The following BICRAL variants were observed in gnomAD, a reference collection of about 807,000 sequenced individuals.
The protein encoded by BICRAL is BRD4-interacting chromatin-remodeling complex-associated protein-like.
Under a neutral mutation model 91.8 loss-of-function variants are expected in BICRAL, and 8 were observed. The observed-to-expected ratio is 0.09, with a 90% confidence interval of 0.05 to 0.16. BICRAL has a LOEUF of 0.16. Ranked by LOEUF, BICRAL falls within the 10% of genes least tolerant of loss-of-function variation. The probability of loss-of-function intolerance (pLI) is 1.00; values close to 1 mark genes in which losing one functional copy is unlikely to be tolerated. For synonymous variants in BICRAL, 445 were observed against 491.1 expected, an observed-to-expected ratio of 0.91 and a Z score of 1.24; for missense variants, 1,038 against 1,310.9, an observed-to-expected ratio of 0.79 and a Z score of 3.21.
At chr6:42,853,980 T>C (rs1765270784) in intron 8 of BICRAL, among the ~76,000 whole-genome samples, 1 of 152,182 alleles carries the variant, frequency 6.6e-6, no homozygotes, top group African/African-American at 2.4e-5. Context: ...AATCCATCAT[T>C]TCCTCATGAA....
chr6:42,804,154 C>G (rs987619951), intron 1 of BICRAL, among the ~76,000 whole-genome samples: 17 of 152,190 alleles, frequency 1.1e-4, no homozygotes, highest in African/African-American at 3.6e-4. Context: ...TCCTGAGTAG[C>G]TGGGATTACA....
At chr6:42,841,180 AAT>A (rs1360801493) in intron 6 of BICRAL, among the ~76,000 whole-genome samples, 33 of 135,478 alleles carry the variant, frequency 2.4e-4, no homozygotes, top group African/African-American at 5.9e-4. Flanking sequence ...ATCACTCTTG[AAT>A]ATTTTTTTTT....
intron 6 of BICRAL, among the ~76,000 whole-genome samples, chr6:42,845,207 T>TG (rs1764964991): frequency 2.9e-5 from 1 of 35,048 alleles, no homozygotes; most frequent in Non-Finnish European, 5.3e-5. Flanking sequence ...TTTTTTTTTT[T>TG]TTTTTTTTTT....
chr6:42,836,292 AG>A (rs1302256954), intron 6 of BICRAL, among the ~76,000 whole-genome samples: 1 of 152,186 alleles, frequency 6.6e-6, no homozygotes, highest in African/African-American at 2.4e-5. Context: ...AATGCTTCAA[AG>A]GGAGGGGGGA....
chr6:42,773,231 A>G (rs1316547298), intron 1 of BICRAL, among the ~76,000 whole-genome samples: 3 of 151,312 alleles, frequency 2.0e-5, no homozygotes, highest in Admixed American at 1.3e-4. Flanking sequence ...GGCACCCGCC[A>G]TCATGCCCAG....
intron 8 of BICRAL, among the ~76,000 whole-genome samples, chr6:42,854,674 C>T (rs567590122): frequency 2.6e-5 from 4 of 152,076 alleles, no homozygotes; most frequent in Admixed American, 6.6e-5. Context: ...CGCACCACCA[C>T]GCCTGGCTAA....
chr6:42,809,275 T>C (rs1374703630), intron 1 of BICRAL, among the ~76,000 whole-genome samples: 1 of 151,988 alleles, frequency 6.6e-6, no homozygotes, highest in African/African-American at 2.4e-5. Context: ...AACTCATTCT[T>C]TTTTATGGCT....
chr6:42,815,941 G>T (rs1242458839), intron 2 of BICRAL, among the ~76,000 whole-genome samples: 1 of 134,474 alleles, frequency 7.4e-6, no homozygotes, highest in Admixed American at 8.5e-5. Flanking sequence ...CCAAGATTGC[G>T]CCATTGCTCT....
At chr6:42,794,890 G>A (rs1452540376) in intron 1 of BICRAL, among the ~76,000 whole-genome samples, 2 of 151,660 alleles carry the variant, frequency 1.3e-5, no homozygotes, top group Admixed American at 6.6e-5. Context: ...GAACCCGGGA[G>A]GCGGAGGTTA....
At chr6:42,831,172 C>T (rs1312353913) in intron 6 of BICRAL, among the ~76,000 whole-genome samples, 1 of 152,154 alleles carries the variant, frequency 6.6e-6, no homozygotes, top group East Asian at 1.9e-4. Context: ...TGTATTTATA[C>T]TTAATTAAAT....
chr6:42,777,375 G>A (rs551526076), upstream of BICRAL, among the ~76,000 whole-genome samples: 1 of 152,244 alleles, frequency 6.6e-6, no homozygotes, highest in East Asian at 1.9e-4. Context: ...CACACACCTG[G>A]TAAGTGACAA....
intron 2 of BICRAL, among the ~76,000 whole-genome samples, chr6:42,815,984 C>CAAAAAA (rs746928245): frequency 1.0e-4 from 4 of 39,150 alleles, no homozygotes; most frequent in Non-Finnish European, 1.0e-4. Flanking sequence ...AACTCTGTCT[C>CAAAAAA]AAAAAAAAAA....
rs145425403 is a variant in BICRAL, at chr6:42,855,832, A to G, written c.2047-24A>G. On this transcript the variant is annotated intron_variant, in intron 8 of 12. Transcript: ENST00000314073. The stretch of plus-strand genomic sequence containing the variant: ...ATTCTTTTTTCTATAAAAGGGAATA[A>G]TAAGAGGTTTGTTTTGTCTTTAGGT... 29,803 of 1,592,416 alleles carry G rather than the reference A, an allele frequency of 0.019. 1,593 individuals are homozygous for G. In the Admixed American group the frequency reaches 0.19, roughly 10 times the overall value.
chr6:42,801,238 G>A (rs867761681), intron 1 of BICRAL, among the ~76,000 whole-genome samples: 3 of 143,040 alleles, frequency 2.1e-5, no homozygotes, highest in Non-Finnish European at 3.0e-5. Flanking sequence ...CTGGCAGAGC[G>A]AGACTCTGTT....
At chr6:42,858,058 G>A (rs1425474115) in intron 10 of BICRAL, among the ~76,000 whole-genome samples, 4 of 148,040 alleles carry the variant, frequency 2.7e-5, no homozygotes, top group African/African-American at 5.0e-5. Context: ...TGATTGGCCC[G>A]CCTCAGCCTC....
At chr6:42,814,524 T>A (rs1481420276) in intron 2 of BICRAL, among the ~76,000 whole-genome samples, 4,189 of 73,304 alleles carry the variant, frequency 0.057, 142 homozygotes, top group African/African-American at 0.14. Flanking sequence ...TATATATTTT[T>A]TTTTTTTTTT....
intron 1 of BICRAL, among the ~76,000 whole-genome samples, chr6:42,774,195 T>C (rs1762779562): frequency 6.6e-6 from 1 of 152,176 alleles, no homozygotes; most frequent in Non-Finnish European, 1.5e-5. Context: ...AGAGAGACCT[T>C]GAGGCCCATT....
At chr6:42,832,712 G>GTC (rs1300302976) in intron 6 of BICRAL, among the ~76,000 whole-genome samples, 2 of 150,162 alleles carry the variant, frequency 1.3e-5, no homozygotes, top group African/African-American at 2.5e-5. Context: ...CTCTCCCTTT[G>GTC]TCTCTCTCTC....
intron 1 of BICRAL, among the ~76,000 whole-genome samples, chr6:42,753,334 G>A (rs1375141702): frequency 1.3e-5 from 2 of 152,132 alleles, no homozygotes; most frequent in African/African-American, 2.4e-5. Context: ...AAAGTGCTGG[G>A]ATTACAGGCA....
Sources: allele counts gnomAD v4.1 joint callset (sites outside exome capture counted in the v4.1 genomes callset), GRCh38; gene constraint gnomAD v4.1.1; transcripts MANE v1.5; gene names NCBI Gene and HGNC (gene_info 2026-07-23, HGNC 2026-07-21).